PKNOX1: variants seen among roughly 807,000 people sequenced by gnomAD.
The protein encoded by PKNOX1 is homeobox protein PKNOX1.
Under a neutral mutation model 51.9 loss-of-function variants are expected in PKNOX1, and 15 were observed. The observed-to-expected ratio is 0.29, with a 90% CI of 0.19 to 0.45. PKNOX1 has a LOEUF of 0.45. PKNOX1 is among the 20% of genes least tolerant of loss of function. The pLI is 1.00. For synonymous variants in PKNOX1, 219 were observed against 211.1 expected (o/e 1.04, Z -0.32); for missense variants, 462 against 547.5 (o/e 0.84, Z 1.56).
chr21:43,002,411 C>G (rs924268565), intron 1 of PKNOX1, among the ~76,000 whole-genome samples: 3 of 9,656 alleles, frequency 3.1e-4, no homozygotes, highest in Non-Finnish European at 1.0e-3. Flanking sequence ...TGTGCCCCCT[C>G]CCTTGTATCC....
chr21:43,027,080 A>G (rs1192317618), intron 9 of PKNOX1, among the ~76,000 whole-genome samples: 1 of 152,110 alleles, frequency 6.6e-6, no homozygotes, highest in Non-Finnish European at 1.5e-5. Flanking sequence ...TCTAAAAGTA[A>G]TGCTTTTGTT....
Position 43,030,585 on chromosome 21 carries a change from T to C in PKNOX1, c.*484T>C, listed in dbSNP as rs1980221369. Reference sequence around the variant, plus strand: ...AGACTGAGTGTGGTTTCGTCGTGAGTGGATGGACGGCAAGCTTAGCAAGCC... The same window carrying C: ...AGACTGAGTGTGGTTTCGTCGTGAGCGGATGGACGGCAAGCTTAGCAAGCC... On this transcript the variant is annotated 3_prime_UTR_variant, in exon 11 of 11. Coordinates refer to ENST00000291547, the MANE Select transcript of PKNOX1 (RefSeq NM_004571.5). 1 of 152,728 alleles carries C rather than the reference T, an allele frequency of 6.5e-6. No homozygotes were observed. Among genetic ancestry groups the C allele is most frequent in the African/African-American group, 2.4e-5 (1 of 41,432 alleles). 9.5% of individuals were successfully genotyped at this position (152,728 alleles called of 1,614,324 possible).
chr21:42,982,032 T>C (rs2059029173), intron 1 of PKNOX1, among the ~76,000 whole-genome samples: 1 of 152,196 alleles, frequency 6.6e-6, no homozygotes, highest in African/African-American at 2.4e-5. Context: ...TACGCTCCCC[T>C]CACAGTGGGG....
At chr21:43,013,362 C>G in intron 5 of PKNOX1, 124 bp downstream of exon 5, 2 of 654,604 alleles carry the variant, frequency 3.1e-6, no homozygotes, top group Admixed American at 7.2e-5. Context: ...AAGAAGGACC[C>G]TCTAGGTCTC....
At chr21:42,978,522 C>T (rs1384113291) in intron 1 of PKNOX1, among the ~76,000 whole-genome samples, 1 of 133,560 alleles carries the variant, frequency 7.5e-6, no homozygotes, top group African/African-American at 2.9e-5. Context: ...GTCGCTCTGT[C>T]GCCCAGGCTA....
At chr21:43,029,216 AC>A (rs1162621691) in intron 10 of PKNOX1, among the ~76,000 whole-genome samples, 2 of 151,688 alleles carry the variant, frequency 1.3e-5, no homozygotes, top group African/African-American at 4.9e-5. Context: ...GGAGGGACTT[AC>A]CCCGTTCTCA....
intron 1 of PKNOX1, 108 bp from the exon 2 acceptor site, chr21:43,004,218 C>G: frequency 1.9e-6 from 1 of 531,368 alleles, no homozygotes; most frequent in Non-Finnish European, 3.5e-6. Context: ...GCCTGGGCAA[C>G]AAGAGTGAAA....
intron 1 of PKNOX1, among the ~76,000 whole-genome samples, chr21:42,982,016 C>T (rs1015998637): frequency 6.6e-6 from 1 of 152,226 alleles, no homozygotes; most frequent in African/African-American, 2.4e-5. Context: ...CTGTCTGTTC[C>T]ATCTGTACGC....
In PKNOX1 at chr21:43,030,050, C is replaced by T; in HGVS notation, c.1260C>T (p.Ala420=). ...CAGAGGAGGATGCGGGTGCCCTGGC[C>T]CCTGCCCACATCAGCGGGCTGGTCT... ...DSTEEDAGAL[A]PAHISGLVLE... The change falls in exon 11 of 11, where the codon GCC becomes GCT. Residue 420 remains alanine (A), a synonymous_variant. Transcript: ENST00000291547. 6.2e-7 allele frequency: 1 copy of T among 1,612,266 alleles called. No homozygotes were observed. The highest frequency in any genetic ancestry group is 8.5e-7 in the Non-Finnish European group (1 of 1,178,540).
At chr21:42,983,528 C>T (rs576336788) in intron 1 of PKNOX1, among the ~76,000 whole-genome samples, 63 of 152,106 alleles carry the variant, frequency 4.1e-4, no homozygotes, top group African/African-American at 1.4e-3. Flanking sequence ...TTTGTTTATC[C>T]ATCCCTCAAC....
chr21:42,979,745 AAAAAAG>A (rs536936064), intron 1 of PKNOX1, among the ~76,000 whole-genome samples: 78 of 151,296 alleles, frequency 5.2e-4, no homozygotes, highest in Non-Finnish European at 9.3e-4. Context: ...CCATCTCAGA[AAAAAAG>A]AAAAAAGAAA....
intron 1 of PKNOX1, among the ~76,000 whole-genome samples, chr21:42,976,002 A>G (rs2058995289): frequency 6.6e-6 from 1 of 152,202 alleles, no homozygotes; most frequent in Admixed American, 6.5e-5. Flanking sequence ...TTTAGTCATA[A>G]TTTGGAAGAT....
intron 1 of PKNOX1, among the ~76,000 whole-genome samples, chr21:42,996,204 C>T (rs961992656): frequency 6.6e-6 from 1 of 152,128 alleles, no homozygotes; most frequent in Non-Finnish European, 1.5e-5. Flanking sequence ...AAGACCTTGT[C>T]TCAGAAAAGC....
intron 1 of PKNOX1, among the ~76,000 whole-genome samples, chr21:42,981,200 G>A (rs1167338398): frequency 6.6e-6 from 1 of 152,202 alleles, no homozygotes; most frequent in African/African-American, 2.4e-5. Context: ...CATAGAAGAA[G>A]GTCAGTCTGG....
chr21:43,010,859 G>A lies in PKNOX1; in HGVS notation c.351+635G>A, dbSNP rs541617437. On this transcript the variant is annotated intron_variant, in intron 4 of 10. Transcript: ENST00000291547. ...AGCCTGGGTGTCAGAGTGAGACTCT[G>A]TCTCAAAAAATAAAAATAAAATAAA... Among the ~76,000 whole-genome samples the A allele has an allele frequency of 2.0e-3, 301 of 151,914 alleles. 1 individual carries two copies. The highest frequency in any genetic ancestry group is 2.3e-3 in the Non-Finnish European group (156 of 67,966).
intron 4 of PKNOX1, among the ~76,000 whole-genome samples, chr21:43,012,458 G>A (rs1161482313): frequency 6.6e-6 from 1 of 152,182 alleles, no homozygotes; most frequent in Non-Finnish European, 1.5e-5. Context: ...TACTCAGGAG[G>A]CTGAGGCAGG....
rs968352445 is a variant in PKNOX1 at position 43,032,169 on chromosome 21, A to G, written c.*2068A>G. The G allele has an allele frequency of 8.8e-6, 4 of 456,046 alleles. No individual in the cohort carries two copies. The highest frequency in any genetic ancestry group is 6.0e-5 in the African/African-American group (3 of 50,042). 28.2% of individuals were successfully genotyped at this position (456,046 alleles called of 1,614,324 possible). On this transcript the variant is annotated 3_prime_UTR_variant, in exon 11 of 11. Transcript: ENST00000291547. ...GCCACCGCGCCCGGCCGAGAATGACATCTTAAAGCCACCATTGCGTTCCTC... is the reference window on the plus strand; with the variant it reads ...GCCACCGCGCCCGGCCGAGAATGACGTCTTAAAGCCACCATTGCGTTCCTC...
chr21:43,002,655 G>C (rs888988398), intron 1 of PKNOX1, among the ~76,000 whole-genome samples: 3 of 152,182 alleles, frequency 2.0e-5, no homozygotes, highest in African/African-American at 7.2e-5. Flanking sequence ...ATGTGCTCAA[G>C]AGGCGACCTG....
Position 43,030,198 on chromosome 21 carries a change from T to C in PKNOX1, c.*97T>C, listed in dbSNP as rs1200251777. ...TGTTTTATATGTAGATATAGAAGAG[T>C]GCACTTTTGTATTTCATAGTAAGCT... On this transcript the variant is annotated 3_prime_UTR_variant, in exon 11 of 11. Coordinates refer to ENST00000291547, the MANE Select transcript of PKNOX1 (RefSeq NM_004571.5). The C allele has an allele frequency of 1.1e-5, 11 of 969,124 alleles. No homozygotes were observed. The highest frequency in any genetic ancestry group is 1.1e-4 in the East Asian group (4 of 37,288). The allele number at this position is 969,124 out of a possible 1,614,324, so 60.0% of individuals were successfully genotyped here.
Sources: gnomAD v4.1 joint callset for allele counts (sites outside exome capture counted in the v4.1 genomes callset) on GRCh38, gnomAD v4.1.1 for gene constraint, MANE v1.5 for transcripts, NCBI Gene and HGNC (gene_info 2026-07-23, HGNC 2026-07-21) for gene names.